Variants in LSAMP observed in about 807,000 individuals in gnomAD.
The protein encoded by LSAMP is limbic system-associated membrane protein.
Under a neutral mutation model 38.6 loss-of-function variants are expected in LSAMP, and 7 were observed. The ratio of observed to expected loss-of-function variants is 0.18; its 90% CI spans 0.10 to 0.34. The LOEUF (loss-of-function observed/expected upper bound fraction) is 0.34. Ranked by LOEUF, LSAMP falls within the 10% of genes least tolerant of loss-of-function variation. LSAMP has a pLI of 1.00. For synonymous variants in LSAMP, 154 were observed against 166.8 expected (o/e 0.92, Z 0.59); for missense variants, 313 against 420.0 (o/e 0.75, Z 2.23).
chr3:116,110,946 G>A (rs1708597216), intron 1 of LSAMP, among the ~76,000 whole-genome samples: 1 of 151,746 alleles, frequency 6.6e-6, no homozygotes, highest in Admixed American at 6.6e-5. Context: ...ATTTAGGAAG[G>A]TAATGGAAAA....
chr3:115,855,217 G>A (rs1043809485), intron 3 of LSAMP, among the ~76,000 whole-genome samples: 5 of 152,192 alleles, frequency 3.3e-5, no homozygotes, highest in Admixed American at 3.3e-4. Flanking sequence ...ATTTTTAGCT[G>A]CGCCAACTAA....
chr3:116,086,813 A>G (rs1191758684), intron 1 of LSAMP, among the ~76,000 whole-genome samples: 1 of 152,154 alleles, frequency 6.6e-6, no homozygotes, highest in Non-Finnish European at 1.5e-5. Context: ...GGCAAAGTTA[A>G]ATTAGTATTG....
chr3:116,095,733 T>C lies in LSAMP; in HGVS notation c.156-9177A>G, dbSNP rs572154877. On this transcript the variant is annotated intron_variant, in intron 1 of 6. Transcript: ENST00000490035. ...AGTCAATCCCAGGAACATTTATTAGTGATTGGAAAGAGCTCTTCTAGGATC... is the reference window on the plus strand; with the variant it reads ...AGTCAATCCCAGGAACATTTATTAGCGATTGGAAAGAGCTCTTCTAGGATC... Among the ~76,000 whole-genome samples the C allele has an allele frequency of 1.4e-4, 21 of 152,336 alleles. No homozygotes were observed. In the South Asian group the frequency reaches 1.7e-3, roughly 12 times the overall value.
chr3:115,839,480 A>G (rs1345866500), intron 6 of LSAMP, among the ~76,000 whole-genome samples: 1 of 152,046 alleles, frequency 6.6e-6, no homozygotes, highest in Non-Finnish European at 1.5e-5. Context: ...TCCTGCTACA[A>G]CAGAAGGAGA....
intron 2 of LSAMP, among the ~76,000 whole-genome samples, chr3:116,071,053 TAATAAATAAATAAATAAATAAATAAATA>T (rs369537377): frequency 1.4e-5 from 2 of 138,844 alleles, no homozygotes; most frequent in Non-Finnish European, 3.1e-5. Flanking sequence ...AATAAATAAA[TAATAAATAAATAAATAAATAAATAAATA>T]AATAAATAAA....
chr3:116,374,528 G>C (rs1030049616), intron 1 of LSAMP, among the ~76,000 whole-genome samples: 2 of 151,900 alleles, frequency 1.3e-5, no homozygotes, highest in Non-Finnish European at 2.9e-5. Context: ...ATGACACCAA[G>C]AATGTCAATC....
chr3:115,814,317 A>C (rs748341842), intron 6 of LSAMP: 3 of 152,232 alleles, frequency 2.0e-5, no homozygotes, highest in Non-Finnish European at 4.4e-5. Flanking sequence ...GTCCAGGTGA[A>C]TGCTGGATTG....
At chr3:116,321,654 T>G (rs1345671922) in intron 1 of LSAMP, among the ~76,000 whole-genome samples, 1 of 152,186 alleles carries the variant, frequency 6.6e-6, no homozygotes, top group African/African-American at 2.4e-5. Flanking sequence ...GTACTTTACC[T>G]TTCACTCTTT....
intron 3 of LSAMP, among the ~76,000 whole-genome samples, chr3:116,017,664 A>T (rs906410146): frequency 1.3e-5 from 2 of 152,168 alleles, no homozygotes; most frequent in South Asian, 2.1e-4. Flanking sequence ...ACAATAAAGG[A>T]CATACAATCA....
At chr3:116,236,830 T>G (rs62271360) in intron 1 of LSAMP, among the ~76,000 whole-genome samples, 30 of 148,424 alleles carry the variant, frequency 2.0e-4, no homozygotes, top group Non-Finnish European at 4.0e-4. Flanking sequence ...TAAGATAGAC[T>G]TTAAACATTA....
At chr3:115,957,440 A>G (rs1938488335) in intron 3 of LSAMP, among the ~76,000 whole-genome samples, 1 of 151,788 alleles carries the variant, frequency 6.6e-6, no homozygotes, top group African/African-American at 2.4e-5. Context: ...CTGAGGCCCC[A>G]TCACCTATTT....
intron 3 of LSAMP, among the ~76,000 whole-genome samples, chr3:115,928,396 A>G (rs1184397668): frequency 6.6e-6 from 1 of 152,248 alleles, no homozygotes; most frequent in Non-Finnish European, 1.5e-5. Flanking sequence ...GTAGTTCACA[A>G]TGTGGATATG....
At chr3:116,098,573 T>G (rs2107445872) in intron 1 of LSAMP, among the ~76,000 whole-genome samples, 1 of 152,296 alleles carries the variant, frequency 6.6e-6, no homozygotes. Context: ...TCATAAGAAT[T>G]TTTTTATGAC....
At chr3:115,995,985 A>ACTATGG (rs2107649951) in intron 3 of LSAMP, among the ~76,000 whole-genome samples, 1 of 152,160 alleles carries the variant, frequency 6.6e-6, no homozygotes, top group South Asian at 2.1e-4. Flanking sequence ...AGATTAATTT[A>ACTATGG]CTATGATTAC....
At chr3:116,327,572 A>G (rs1226234628) in intron 1 of LSAMP, among the ~76,000 whole-genome samples, 1 of 152,034 alleles carries the variant, frequency 6.6e-6, no homozygotes, top group African/African-American at 2.4e-5. Flanking sequence ...TCTTCACTAT[A>G]TAACCTTATT....
chr3:116,349,398 A>C (rs1388200648), intron 1 of LSAMP, among the ~76,000 whole-genome samples: 1 of 151,800 alleles, frequency 6.6e-6, no homozygotes, highest in Non-Finnish European at 1.5e-5. Context: ...TTTTAATATG[A>C]GAAGCAAACT....
chr3:115,979,908 T>A (rs1054609708), intron 3 of LSAMP, among the ~76,000 whole-genome samples: 1 of 152,180 alleles, frequency 6.6e-6, no homozygotes, highest in African/African-American at 2.4e-5. Context: ...GATACTTTAG[T>A]GAGGCTTATA....
intron 1 of LSAMP, among the ~76,000 whole-genome samples, chr3:116,343,091 C>G (rs1449224182): frequency 1.3e-5 from 2 of 151,928 alleles, no homozygotes; most frequent in Admixed American, 1.3e-4. Context: ...AAATAGAAAA[C>G]AAAAACAAAA....
intron 1 of LSAMP, among the ~76,000 whole-genome samples, chr3:116,269,439 T>C (rs1053951648): frequency 6.6e-6 from 1 of 152,070 alleles, no homozygotes; most frequent in Non-Finnish European, 1.5e-5. Context: ...ACACATTGCT[T>C]GGTACACAGT....
Sources: gnomAD v4.1 joint callset for allele counts (sites outside exome capture counted in the v4.1 genomes callset) on GRCh38, gnomAD v4.1.1 for gene constraint, MANE v1.5 for transcripts, NCBI Gene and HGNC (gene_info 2026-07-23, HGNC 2026-07-21) for gene names.